Variants in DPH7 observed in about 807,000 individuals in gnomAD.
The protein encoded by DPH7 is diphthine methyltransferase.
A neutral mutation model predicts 41.7 loss-of-function variants in DPH7; 44 were observed. The observed-to-expected ratio is 1.05, with a 90% confidence interval of 0.83 to 1.36. The LOEUF (loss-of-function observed/expected upper bound fraction) is 1.36. Ranked by LOEUF, DPH7 falls within the 40% of genes most tolerant of loss-of-function variation. DPH7 has a pLI of 0.00. For synonymous variants in DPH7, 275 were observed against 238.0 expected (o/e 1.16, Z -1.43); for missense variants, 629 against 577.5 (o/e 1.09, Z -0.91).
rs1245500387 is a variant in DPH7, at chr9:137,554,660, G to C, written c.*579C>G. ...TTGCTATGTTGCCCAGGCTGGTCTT[G>C]AACTCCAGGCCTCAAGCAATCCTCC... On this transcript the variant is annotated 3_prime_UTR_variant, in exon 9 of 9. Transcript: ENST00000277540. 2.0e-5 allele frequency among the ~76,000 whole-genome samples: 3 copies of C among 151,912 alleles called. No individual in the cohort carries two copies. Among genetic ancestry groups the C allele is most frequent in the Non-Finnish European group, 4.4e-5 (3 of 67,980 alleles).
At chr9:137,557,103 C>T (rs1188033323) in intron 8 of DPH7, among the ~76,000 whole-genome samples, 2 of 152,190 alleles carry the variant, frequency 1.3e-5, no homozygotes, top group African/African-American at 4.8e-5. Context: ...GCCACGGAGT[C>T]TCACTATGTT....
chr9:137,570,040 T>C (rs1588894660), intron 5 of DPH7, among the ~76,000 whole-genome samples: 1 of 134,150 alleles, frequency 7.5e-6, no homozygotes, highest in African/African-American at 2.9e-5. Context: ...CATCCAAAAA[T>C]CCACCATCCA....
intron 5 of DPH7, 136 bp downstream of exon 5, chr9:137,574,072 A>C: frequency 9.7e-7 from 1 of 1,026,958 alleles, no homozygotes; most frequent in Non-Finnish European, 1.4e-6. Context: ...TTCAAAAAAA[A>C]AAGTACACTT....
chr9:137,578,912 CCT>C lies in DPH7; in HGVS notation c.-137_-136del, dbSNP rs1351157461. ...CCAGGGACACCGTCAGCGCGGGCCG[CCT>C]CTCTCGCGACTCCTTCCGGGGTGCC... is the stretch of plus-strand genomic sequence containing the variant. On this transcript the variant is annotated 5_prime_UTR_variant, in exon 1 of 9. Coordinates refer to ENST00000277540, the MANE Select transcript of DPH7 (RefSeq NM_138778.5). The C allele has an allele frequency of 7.1e-6, 7 of 987,802 alleles. No homozygotes were observed. Among genetic ancestry groups the C allele is most frequent in the Non-Finnish European group, 9.2e-6 (7 of 758,148 alleles). 61.2% of individuals were successfully genotyped at this position (987,802 alleles called of 1,614,324 possible). A position where few individuals can be genotyped will look rare whatever the true frequency, so the allele number is the denominator to read the frequency against.
chr9:137,578,666 G>T lies in DPH7; in HGVS notation c.112C>A (p.Leu38Met). The change falls in exon 1 of 9, where the codon CTG becomes ATG. Residue 38 changes from leucine (L) to methionine (M), a missense_variant. Leu to Met is a conservative substitution (Grantham distance 15). Transcript: ENST00000277540. The stretch of plus-strand genomic sequence containing the variant: ...GCAGGCCGGTCCTCCGGCCGCCGCA[G>T]CTGGTAGGTCCCGCACGCCAGCAGG... ...RHLLACGTYQLRRPEDRPAGP... is the reference protein window; with the variant it reads ...RHLLACGTYQMRRPEDRPAGP... 1.3e-6 allele frequency: 2 copies of T among 1,522,462 alleles called. No homozygotes were observed. Among genetic ancestry groups the T allele is most frequent in the Non-Finnish European group, 1.8e-6 (2 of 1,137,028 alleles). 94.3% of individuals were successfully genotyped at this position (1,522,462 alleles called of 1,614,324 possible). A position where few individuals can be genotyped will look rare whatever the true frequency, so the allele number is the denominator to read the frequency against.
In DPH7 at chr9:137,555,030, C is replaced by T; in HGVS notation, c.*209G>A. On this transcript the variant is annotated 3_prime_UTR_variant, in exon 9 of 9. Coordinates refer to ENST00000277540, the MANE Select transcript of DPH7 (RefSeq NM_138778.5). ...AACCGCGTCTTTTCCCCACTCTCTGCCAGACAGAATCACCCAGTCCACTTT... is the reference window on the plus strand; with the variant it reads ...AACCGCGTCTTTTCCCCACTCTCTGTCAGACAGAATCACCCAGTCCACTTT... 2.0e-6 allele frequency: 1 copy of T among 508,404 alleles called. No homozygotes were observed. The highest frequency in any genetic ancestry group is 3.2e-6 in the Non-Finnish European group (1 of 314,864). The allele number at this position is 508,404 out of a possible 1,614,324, so 31.5% of individuals were successfully genotyped here.
At chr9:137,574,064 CAAA>C (rs951603707) in intron 5 of DPH7, 141 bp downstream of exon 5, 1 of 806,560 alleles carries the variant, frequency 1.2e-6, no homozygotes, top group South Asian at 2.0e-5. Context: ...GACTCAGTTT[CAAA>C]AAAAAAAGTA....
Position 137,564,462 on chromosome 9 carries a change from A to C in DPH7, c.921T>G (p.Phe307Leu), listed in dbSNP as rs371105829. ...TTGCCTTTTGGCAGTTGAGGATCTT[A>C]AAGCCACTGTGCATGCAGGCGGCCA... is the stretch of plus-strand genomic sequence containing the variant. ...LLLAACMHSG[F>L]KILNCQKAME... The change falls in exon 8 of 9, where the codon TTT becomes TTG. Residue 307 changes from phenylalanine to leucine, a missense_variant. By Grantham distance (22) the Phe-to-Leu change is conservative. Coordinates refer to ENST00000277540, the MANE Select transcript of DPH7 (RefSeq NM_138778.5). The C allele has an allele frequency of 6.2e-7, 1 of 1,613,850 alleles. No homozygotes were observed. Among genetic ancestry groups the C allele is most frequent in the Non-Finnish European group, 8.5e-7 (1 of 1,179,934 alleles).
intron 5 of DPH7, among the ~76,000 whole-genome samples, chr9:137,571,605 T>C (rs1049964121): frequency 1.3e-5 from 2 of 151,402 alleles, no homozygotes; most frequent in Admixed American, 6.6e-5. Flanking sequence ...CTGGGCAACA[T>C]GGTAAAACCG....
chr9:137,564,759 C>G, intron 7 of DPH7, 134 bp downstream of exon 7: 1 of 1,416,706 alleles, frequency 7.1e-7, no homozygotes, highest in Admixed American at 1.9e-5. Flanking sequence ...ACCTACACTC[C>G]GGCGAAGCAC....
chr9:137,563,161 C>T (rs988383946), intron 8 of DPH7, among the ~76,000 whole-genome samples: 11 of 148,458 alleles, frequency 7.4e-5, no homozygotes, highest in African/African-American at 2.5e-4. Context: ...AAACAAAAAA[C>T]GATGAGAAAT....
At position 137,555,376 on chromosome 9, in the gene DPH7, T is replaced by G. The variant is rs933143899; in HGVS notation, c.1222A>C (p.Thr408Pro). Residue 408 changes from threonine (T) to proline (P), a missense_variant, in exon 9 of 9, where the codon ACC (threonine) becomes CCC (proline). Thr to Pro is a conservative substitution (Grantham distance 38, BLOSUM62 -1). Transcript: ENST00000277540. ...GTGGCTGCTGTAGCCTGCAGCCAGGTGCCATTCTTCCTCATGCCCTCTGTG... is the reference window on the plus strand; with the variant it reads ...GTGGCTGCTGTAGCCTGCAGCCAGGGGCCATTCTTCCTCATGCCCTCTGTG... ...PLTEGMRKNG[T>P]WLQATAATTR... 3 of 1,614,094 alleles carry G rather than the reference T, an allele frequency of 1.9e-6. No homozygotes were observed. In the African/African-American group the frequency reaches 4.0e-5, roughly 22 times the overall value.
chr9:137,575,148 C>G, intron 3 of DPH7: 1 of 1,098,066 alleles, frequency 9.1e-7, no homozygotes, highest in Non-Finnish European at 1.1e-6. Context: ...TAGATGCTGT[C>G]GAGATGCCTG....
rs1837355196 is a variant in DPH7 at position 137,555,581 on chromosome 9, G to C, written c.1017C>G (p.Asp339Glu). The change falls in exon 9 of 9, where the codon GAC (aspartate) becomes GAG (glutamate). Residue 339 changes from aspartate to glutamate, a missense_variant. Physicochemically the swap from Asp to Glu is conservative, Grantham distance 45. Coordinates refer to ENST00000277540, the MANE Select transcript of DPH7 (RefSeq NM_138778.5). ...TLPDSLVYGA[D>E]WSWLLFRSLQ... ...GAGAACGGAAGAGCAGCCAGGACCA[G>C]TCGGCTCCATACACCAGCGAGTCGG... 9.9e-6 allele frequency: 16 copies of C among 1,613,662 alleles called. No individual in the cohort carries two copies. Among genetic ancestry groups the C allele is most frequent in the Non-Finnish European group, 1.4e-5 (16 of 1,179,906 alleles).
chr9:137,558,054 T>C (rs1837828449), intron 8 of DPH7, among the ~76,000 whole-genome samples: 1 of 152,068 alleles, frequency 6.6e-6, no homozygotes, highest in Non-Finnish European at 1.5e-5. Flanking sequence ...GAGAGTTGCT[T>C]GAACCCGGAA....
At chr9:137,564,725 A>C in intron 7 of DPH7, 119 bp from the exon 8 acceptor site, 2 of 1,471,704 alleles carry the variant, frequency 1.4e-6, no homozygotes, top group Non-Finnish European at 1.9e-6. Context: ...CTCGAGGACA[A>C]AGTCCCCTTT....
chr9:137,557,742 CTG>C (rs1270161444), intron 8 of DPH7, among the ~76,000 whole-genome samples: 2 of 151,980 alleles, frequency 1.3e-5, no homozygotes, highest in Non-Finnish European at 2.9e-5. Context: ...TCCCCTGAAC[CTG>C]TGAGGTGGAG....
chr9:137,577,982 C>T, intron 1 of DPH7: 2 of 985,326 alleles, frequency 2.0e-6, no homozygotes, highest in Non-Finnish European at 2.4e-6. Context: ...TCCACCCATT[C>T]CCTTGGGCCA....
intron 2 of DPH7, among the ~76,000 whole-genome samples, chr9:137,576,947 C>T (rs1017608298): frequency 6.0e-5 from 9 of 151,130 alleles, no homozygotes; most frequent in South Asian, 2.1e-4. Context: ...CTCAGCTACT[C>T]GAGAGGCTGA....
Sources: gnomAD v4.1 joint callset for allele counts (sites outside exome capture counted in the v4.1 genomes callset) on GRCh38, gnomAD v4.1.1 for gene constraint, MANE v1.5 for transcripts, NCBI Gene and HGNC (gene_info 2026-07-23, HGNC 2026-07-21) for gene names.